Variants in BMP1 observed in about 807,000 individuals in gnomAD.
The protein encoded by BMP1 is bone morphogenetic protein 1.
Under a neutral mutation model 116.8 loss-of-function variants are expected in BMP1, and 63 were observed. The observed-to-expected ratio is 0.54, with a 90% CI of 0.44 to 0.67. The LOEUF (loss-of-function observed/expected upper bound fraction) is 0.67. Among genes scored for constraint, BMP1 ranks in the 30% least tolerant of loss-of-function variants. BMP1 has a pLI of 0.00. For synonymous variants in BMP1, 536 were observed against 533.4 expected, an observed-to-expected ratio of 1.00 and a Z score of -0.07; for missense variants, 1,183 against 1,358.9, an observed-to-expected ratio of 0.87 and a Z score of 2.04.
intron 2 of BMP1, 55 bp downstream of exon 2, chr8:22,173,770 G>A: frequency 2.1e-6 from 3 of 1,426,594 alleles, no homozygotes; most frequent in Non-Finnish European, 2.9e-6. Flanking sequence ...CCAGGCTTAG[G>A]GAAACAAGGA....
At chr8:22,197,923 G>A (rs770148756) in intron 15 of BMP1, among the ~76,000 whole-genome samples, 1 of 152,178 alleles carries the variant, frequency 6.6e-6, no homozygotes, top group Non-Finnish European at 1.5e-5. Flanking sequence ...GGTGGCTCAC[G>A]CCTGTAATCC....
chr8:22,202,845 C>A (rs1337784583), intron 16 of BMP1, among the ~76,000 whole-genome samples: 1 of 151,916 alleles, frequency 6.6e-6, no homozygotes, highest in Non-Finnish European at 1.5e-5. Context: ...CCCATCTCTA[C>A]AATAAATACA....
intron 16 of BMP1, among the ~76,000 whole-genome samples, chr8:22,202,399 C>G (rs1829283386): frequency 6.6e-6 from 1 of 152,204 alleles, no homozygotes; most frequent in African/African-American, 2.4e-5. Context: ...GTACCCACCT[C>G]AGAGAGGCAT....
Position 22,178,024 on chromosome 8 carries a change from T to A in BMP1, c.836+67T>A, listed in dbSNP as rs867242476. 8.0e-5 allele frequency: 100 copies of A among 1,255,100 alleles called. 1 individual carries two copies. The Middle Eastern group carries it at 9.7e-4, about 12-fold the overall frequency. The allele number at this position is 1,255,100 out of a possible 1,614,324, so 77.7% of individuals were successfully genotyped here. ...CCACCCTGCCCTCTGTAGGCTATTC[T>A]CCTCCTGCCTCCCACTTCTGGGGCA... On this transcript the variant is annotated intron_variant, in intron 6 of 19. Transcript: ENST00000306385.
chr8:22,192,297 C>T (rs1232456369), intron 9 of BMP1, 146 bp downstream of exon 9: 2 of 639,942 alleles, frequency 3.1e-6, no homozygotes, highest in Non-Finnish European at 5.4e-6. Flanking sequence ...CATCATTAGT[C>T]CCAGATAGCT....
At position 22,211,486 on chromosome 8, in the gene BMP1, G is replaced by A. The variant is rs145240476; in HGVS notation, c.2827-108G>A. The stretch of plus-strand genomic sequence containing the variant: ...TGCTTCAAGGGGCGGGGAGAATCTG[G>A]TGGCTGCCTGGGAGCCTCCTGCCCT... On this transcript the variant is annotated intron_variant, in intron 19 of 19. Coordinates refer to ENST00000306385, the MANE Select transcript of BMP1 (RefSeq NM_006129.5). The A allele has an allele frequency of 2.6e-3, 3,878 of 1,471,128 alleles. 111 individuals are homozygous for A. The African/African-American group carries it at 0.047, about 18-fold the overall frequency. 91.1% of individuals were successfully genotyped at this position (1,471,128 alleles called of 1,614,324 possible).
At chr8:22,209,718 T>G in intron 19 of BMP1, 23 bp downstream of exon 19, 2 of 1,486,446 alleles carry the variant, frequency 1.3e-6, no homozygotes, top group Non-Finnish European at 1.8e-6. Context: ...CCCCTCGCCC[T>G]CCTGGCCCCA....
chr8:22,192,872 T>C (rs1828974891), intron 9 of BMP1, among the ~76,000 whole-genome samples: 1 of 152,208 alleles, frequency 6.6e-6, no homozygotes, highest in African/African-American at 2.4e-5. Flanking sequence ...TCAGGACCAC[T>C]CTTTGGCAAC....
At chr8:22,184,347 G>A (rs1403511600) in intron 8 of BMP1, among the ~76,000 whole-genome samples, 1 of 152,232 alleles carries the variant, frequency 6.6e-6, no homozygotes, top group Non-Finnish European at 1.5e-5. Context: ...TGCCCCAAAA[G>A]CATCTCTCTC....
chr8:22,173,396 TAACTGA>T (rs1828336482), intron 1 of BMP1, among the ~76,000 whole-genome samples, 200 bp from the exon 2 acceptor site: 1 of 152,242 alleles, frequency 6.6e-6, no homozygotes, highest in Admixed American at 6.5e-5. Context: ...ACTGGGATTT[TAACTGA>T]AAAGTAAGCA....
intron 15 of BMP1, among the ~76,000 whole-genome samples, chr8:22,199,713 G>A (rs1234267567): frequency 6.6e-6 from 1 of 152,114 alleles, no homozygotes; most frequent in Non-Finnish European, 1.5e-5. Flanking sequence ...CACTGGAGAT[G>A]TTGTCCTTAG....
rs1829016328 is a variant in BMP1 at position 22,194,357 on chromosome 8, G to T, written c.1298-88G>T. On this transcript the variant is annotated intron_variant, in intron 10 of 19. Coordinates refer to ENST00000306385, the MANE Select transcript of BMP1 (RefSeq NM_006129.5). This position sits in a 1 kb window ranked among gnomAD's most constrained non-coding sequence, Gnocchi z 4.5. ...ACTGAAAAGCTGGGGGACATGGGAG[G>T]GACTGGAGGAGTGGGGAAAAGAGCT... is the stretch of plus-strand genomic sequence containing the variant. 1 of 1,545,250 alleles carries T rather than the reference G, an allele frequency of 6.5e-7. No individual in the cohort carries two copies. The highest frequency in any genetic ancestry group is 1.4e-5 in the African/African-American group (1 of 73,488).
In BMP1 at chr8:22,206,963, C is replaced by G; in HGVS notation, c.2343C>G (p.Pro781=). 1 of 1,614,170 alleles carries G rather than the reference C, an allele frequency of 6.2e-7. No individual in the cohort carries two copies. Among genetic ancestry groups the G allele is most frequent in the Non-Finnish European group, 8.5e-7 (1 of 1,180,018 alleles). The change falls in exon 17 of 20, where the codon CCC becomes CCG. Residue 781 remains proline, a synonymous_variant. Coordinates refer to ENST00000306385, the MANE Select transcript of BMP1 (RefSeq NM_006129.5). ...KECTWAISST[P]GHRVKLTFME... is the part of the protein sequence containing the mutation. ...GCACGTGGGCCATCTCCAGCACCCCCGGGCACCGGGTCAAGCTGGTAAGGG... is the reference window on the plus strand; with the variant it reads ...GCACGTGGGCCATCTCCAGCACCCCGGGGCACCGGGTCAAGCTGGTAAGGG...
At position 22,206,771 on chromosome 8, in the gene BMP1, G is replaced by A. The variant is rs1458518687; in HGVS notation, c.2234-83G>A. On this transcript the variant is annotated intron_variant, in intron 16 of 19. Transcript: ENST00000306385. ...CAAGAGATGGAAGAAAGGAGGGGGG[G>A]CAGGAGGGAAGGGCCTTCCCCACAG... The A allele has an allele frequency of 2.8e-5, 43 of 1,558,974 alleles. No homozygotes were observed. In the East Asian group the frequency reaches 4.7e-4, roughly 17 times the overall value.
At chr8:22,177,999 C>G in intron 6 of BMP1, 42 bp downstream of exon 6, 1 of 1,455,642 alleles carries the variant, frequency 6.9e-7, no homozygotes, top group Non-Finnish European at 9.5e-7. Flanking sequence ...TCGGGCAGCC[C>G]CACCCTGCCC....
In BMP1 at chr8:22,165,494, A is replaced by G. The variant is rs1387788176; in HGVS notation, c.89A>G (p.Tyr30Cys). Residue 30 changes from tyrosine (Y) to cysteine (C), a missense_variant, in exon 1 of 20, where the codon TAT (tyrosine) becomes TGT (cysteine). Physicochemically the swap from Tyr to Cys is radical, Grantham distance 194 (BLOSUM62 -2). Around this residue, in one of 4 missense-constraint regions of BMP1, gnomAD observed 185 missense variants for 158.9 expected, o/e 1.16. Transcript: ENST00000306385. ...CCGCTGGACTTGGCCGACTACACCT[A>G]TGACCTGGCGGAGGAGGACGACTCG... The part of the protein sequence containing the change: ...GRPLDLADYT[Y>C]DLAEEDDSEP... The G allele has an allele frequency of 1.4e-5, 23 of 1,594,622 alleles. No homozygotes were observed. Among genetic ancestry groups the G allele is most frequent in the Non-Finnish European group, 1.9e-5 (22 of 1,172,718 alleles).
intron 1 of BMP1, chr8:22,170,933 A>G (rs1563237246): frequency 6.6e-6 from 1 of 152,232 alleles, no homozygotes; most frequent in Non-Finnish European, 1.5e-5. Flanking sequence ...TTCAAAAAAA[A>G]AAAGAAAGAA....
chr8:22,207,366 G>A lies in BMP1; in HGVS notation c.2425G>A (p.Asp809Asn), dbSNP rs200556837. Residue 809 changes from aspartate (D) to asparagine (N), a missense_variant, in exon 18 of 20, where the codon GAC becomes AAC. Coordinates refer to ENST00000306385, the MANE Select transcript of BMP1 (RefSeq NM_006129.5). ...ECAYDHLEVF[D>N]GRDAKAPVLG... The stretch of plus-strand genomic sequence containing the variant: ...TGCCTACGACCACCTAGAGGTGTTC[G>A]ACGGGCGAGACGCCAAGGCCCCCGT... 1.5e-5 allele frequency: 25 copies of A among 1,614,202 alleles called. No homozygotes were observed. Among genetic ancestry groups the A allele is most frequent in the East Asian group, 4.5e-5 (2 of 44,876 alleles).
At chr8:22,173,484 G>A (rs955688911) in intron 1 of BMP1, 118 bp from the exon 2 acceptor site, 20 of 627,646 alleles carry the variant, frequency 3.2e-5, no homozygotes, top group African/African-American at 9.3e-5. Context: ...GGCATTTGAG[G>A]ATCACAGTCG....
Sources: allele counts gnomAD v4.1 joint callset (sites outside exome capture counted in the v4.1 genomes callset), GRCh38; gene constraint gnomAD v4.1.1; regional missense constraint gnomAD v4.1.1; non-coding constraint Gnocchi (gnomAD v3.1); transcripts MANE v1.5; gene names NCBI Gene and HGNC (gene_info 2026-07-23, HGNC 2026-07-21).